Variants in DCC observed in about 807,000 individuals in gnomAD.
The protein encoded by DCC is DCC netrin 1 receptor.
Under a neutral mutation model 172.5 loss-of-function variants are expected in DCC, and 58 were observed. The observed-to-expected ratio is 0.34, with a 90% CI of 0.27 to 0.42. The LOEUF (loss-of-function observed/expected upper bound fraction) is 0.42, where lower values mean the gene tolerates loss of function less well. DCC is among the 10% of genes least tolerant of loss of function. The probability of loss-of-function intolerance (pLI) is 1.00; values close to 1 mark genes in which losing one functional copy is unlikely to be tolerated. For missense variants in DCC, 1,740 were observed against 1,791.0 expected, an observed-to-expected ratio of 0.97 and a Z score of 0.51; for synonymous variants, 709 against 644.5, an observed-to-expected ratio of 1.10 and a Z score of -1.52.
intron 5 of DCC, among the ~76,000 whole-genome samples, chr18:53,033,843 C>A: frequency 6.6e-6 from 1 of 152,088 alleles, no homozygotes; most frequent in South Asian, 2.1e-4. Context: ...TTCTAACAAT[C>A]CAACAAAACT....
At chr18:52,719,221 A>C (rs1180359337) in intron 1 of DCC, among the ~76,000 whole-genome samples, 1 of 144,612 alleles carries the variant, frequency 6.9e-6, no homozygotes, top group Non-Finnish European at 1.6e-5. Context: ...GAGATCCTTA[A>C]TTATGTTTGT....
intron 12 of DCC, among the ~76,000 whole-genome samples, chr18:53,268,314 C>T (rs896827105): frequency 6.6e-6 from 1 of 152,032 alleles, no homozygotes; most frequent in Non-Finnish European, 1.5e-5. Flanking sequence ...GTAAATAGAA[C>T]ATGTAACAGA....
Position 52,703,116 on chromosome 18 carries a change from A to T in DCC, c.92-48938A>T, listed in dbSNP as rs372372288. Among the ~76,000 whole-genome samples, 6 of 152,210 alleles carry T rather than the reference A, an allele frequency of 3.9e-5. No homozygotes were observed. The East Asian group carries it at 9.7e-4, about 25-fold the overall frequency. On this transcript the variant is annotated intron_variant, in intron 1 of 28. Transcript: ENST00000442544. Reference sequence around the variant, plus strand: ...ATTCAAGGCTAACCACTCTTACTATAATCTTTTCTGAAATGTTCCATCAAT... The same window carrying T: ...ATTCAAGGCTAACCACTCTTACTATTATCTTTTCTGAAATGTTCCATCAAT...
At chr18:53,332,768 T>C (rs1328020385) in intron 14 of DCC, among the ~76,000 whole-genome samples, 1 of 146,076 alleles carries the variant, frequency 6.8e-6, no homozygotes, top group Non-Finnish European at 1.5e-5. Flanking sequence ...GAGTGGTGGA[T>C]ACCAAAATTT....
At chr18:52,980,067 C>T (rs900711386) in intron 5 of DCC, among the ~76,000 whole-genome samples, 8 of 152,232 alleles carry the variant, frequency 5.3e-5, no homozygotes, top group Non-Finnish European at 7.4e-5. Flanking sequence ...TATCTGCCCC[C>T]GCCACCCCCA....
intron 2 of DCC, among the ~76,000 whole-genome samples, chr18:52,803,982 G>A (rs2038040768): frequency 6.6e-6 from 1 of 152,156 alleles, no homozygotes; most frequent in Non-Finnish European, 1.5e-5. Flanking sequence ...CACCAGCATG[G>A]TGGTGGTGGT....
intron 2 of DCC, among the ~76,000 whole-genome samples, chr18:52,865,300 ACC>A (rs2039206247): frequency 6.6e-6 from 1 of 152,132 alleles, no homozygotes; most frequent in Non-Finnish European, 1.5e-5. Flanking sequence ...CAATAAACAT[ACC>A]TGTGCATGTG....
intron 1 of DCC, among the ~76,000 whole-genome samples, chr18:52,561,640 C>G (rs1415954840): frequency 6.6e-6 from 1 of 151,980 alleles, no homozygotes; most frequent in African/African-American, 2.4e-5. Context: ...GTGAGGATTC[C>G]CTCACTTGCC....
At chr18:53,397,284 C>G (rs1555664932) in intron 17 of DCC, 24 bp from the exon 18 acceptor site, 10 of 1,609,078 alleles carry the variant, frequency 6.2e-6, no homozygotes, top group Non-Finnish European at 1.7e-6. Flanking sequence ...TTTTTTATCT[C>G]TTTGCTATTT....
chr18:52,439,596 A>G (rs544903504), intron 1 of DCC, among the ~76,000 whole-genome samples: 1 of 152,306 alleles, frequency 6.6e-6, no homozygotes, highest in Admixed American at 6.5e-5. Flanking sequence ...ACATTTTATG[A>G]TAACGAGGTT....
chr18:53,275,925 T>C (rs1456369245), intron 12 of DCC, among the ~76,000 whole-genome samples: 1 of 152,090 alleles, frequency 6.6e-6, no homozygotes, highest in Non-Finnish European at 1.5e-5. Flanking sequence ...TAACAAACAG[T>C]TATTTTCAGG....
intron 1 of DCC, among the ~76,000 whole-genome samples, chr18:52,624,975 C>T (rs2034546763): frequency 6.6e-6 from 1 of 152,074 alleles, no homozygotes; most frequent in Non-Finnish European, 1.5e-5. Flanking sequence ...CATAGAGTGT[C>T]CTTTCACAAA....
At chr18:53,032,712 C>G (rs2042042257) in intron 5 of DCC, among the ~76,000 whole-genome samples, 2 of 152,092 alleles carry the variant, frequency 1.3e-5, no homozygotes, top group Admixed American at 1.3e-4. Flanking sequence ...CTAGTATACT[C>G]TGAGCTACTG....
At chr18:52,531,891 TA>T (rs2032161455) in intron 1 of DCC, among the ~76,000 whole-genome samples, 1 of 152,238 alleles carries the variant, frequency 6.6e-6, no homozygotes, top group South Asian at 2.1e-4. Flanking sequence ...TTCTTGATCT[TA>T]AAAACAAAAA....
intron 1 of DCC, among the ~76,000 whole-genome samples, chr18:52,525,651 T>C (rs2031959616): frequency 6.6e-6 from 1 of 152,130 alleles, no homozygotes; most frequent in Admixed American, 6.5e-5. Flanking sequence ...ATAACTAGGG[T>C]TTTTAAATAT....
chr18:53,100,989 C>G (rs1157132952), intron 7 of DCC, among the ~76,000 whole-genome samples: 1 of 152,024 alleles, frequency 6.6e-6, no homozygotes, highest in East Asian at 1.9e-4. Flanking sequence ...AGACATGCAC[C>G]CTTTAATCCT....
At chr18:52,458,292 C>T (rs1430661828) in intron 1 of DCC, among the ~76,000 whole-genome samples, 1 of 152,286 alleles carries the variant, frequency 6.6e-6, no homozygotes, top group East Asian at 1.9e-4. Context: ...CATGATCCTT[C>T]AGCCTTCTGA....
intron 27 of DCC, among the ~76,000 whole-genome samples, chr18:53,509,055 A>G (rs1393419947): frequency 1.3e-5 from 2 of 152,094 alleles, no homozygotes; most frequent in Admixed American, 6.5e-5. Flanking sequence ...GCTCCTCACA[A>G]TGGACCAATT....
intron 7 of DCC, among the ~76,000 whole-genome samples, chr18:53,122,561 A>G (rs1340452494): frequency 6.6e-6 from 1 of 152,016 alleles, no homozygotes; most frequent in African/African-American, 2.4e-5. Flanking sequence ...TCAGTAGTCT[A>G]GAAAAACTTT....
Sources: gnomAD v4.1 joint callset for allele counts (sites outside exome capture counted in the v4.1 genomes callset) on GRCh38, gnomAD v4.1.1 for gene constraint, MANE v1.5 for transcripts, NCBI Gene and HGNC (gene_info 2026-07-23, HGNC 2026-07-21) for gene names.